PI4KA: variants seen among roughly 807,000 people sequenced by gnomAD.
The protein encoded by PI4KA is phosphatidylinositol 4-kinase alpha.
In PI4KA, 122 loss-of-function variants were observed where a neutral mutation model predicts 271.4. That is an observed-to-expected ratio of 0.45 (90% CI 0.39 to 0.52). The LOEUF (loss-of-function observed/expected upper bound fraction) is 0.52, where lower values mean the gene tolerates loss of function less well. Ranked by LOEUF, PI4KA falls within the 20% of genes least tolerant of loss-of-function variation. The pLI is 0.00. For missense variants in PI4KA, 1,969 were observed against 2,769.1 expected, an observed-to-expected ratio of 0.71 and a Z score of 6.48; for synonymous variants, 1,041 against 1,078.8, an observed-to-expected ratio of 0.96 and a Z score of 0.69.
rs56937672 is a variant in PI4KA at position 20,804,415 on chromosome 22, A to G, written c.1361-15T>C. 2.2e-4 allele frequency: 351 copies of G among 1,574,830 alleles called. 2 individuals carry two copies. Among genetic ancestry groups the G allele is most frequent in the African/African-American group, 1.4e-3 (101 of 74,348 alleles). On this transcript the variant is annotated splice_polypyrimidine_tract_variant and intron_variant, in intron 11 of 54. Transcript: ENST00000255882. ...GTTTTCTGCACCTTAATTCAAAACC[A>G]GAAGAGGAGATGAGTGATCAGCACA...
intron 1 of PI4KA, among the ~76,000 whole-genome samples, chr22:20,847,147 CAAAA>C (rs752062607): frequency 9.3e-5 from 7 of 74,918 alleles, no homozygotes; most frequent in African/African-American, 3.5e-4. Flanking sequence ...GACTCCATCT[CAAAA>C]AAAAAAAAAA....
rs139434064 is a variant in PI4KA, at chr22:20,780,061, T to C, written c.2328+13132A>G. On this transcript the variant is annotated intron_variant, in intron 19 of 54. Coordinates refer to ENST00000255882, the MANE Select transcript of PI4KA (RefSeq NM_058004.4). ...GAGTATTACTTTGCTGAGGCCCAGA[T>C]AGCTGACTTCTCAGACCCTGCCTTC... The C allele has an allele frequency of 1.4e-4, 232 of 1,614,174 alleles. 2 individuals are homozygous for C. The highest frequency in any genetic ancestry group is 6.6e-4 in the Middle Eastern group (4 of 6,062).
At chr22:20,802,129 A>G in intron 13 of PI4KA, 24 bp from the exon 14 acceptor site, 1 of 1,608,184 alleles carries the variant, frequency 6.2e-7, no homozygotes, top group South Asian at 1.1e-5. Flanking sequence ...ATTCAAATAT[A>G]TACCTAGTTA....
At chr22:20,793,352 A>C (rs1934771967) in intron 18 of PI4KA, 109 bp from the exon 19 acceptor site, 1 of 660,952 alleles carries the variant, frequency 1.5e-6, no homozygotes, top group African/African-American at 1.8e-5. Flanking sequence ...GTCTTAATCT[A>C]AGAGAAATGA....
At chr22:20,807,248 G>C in intron 10 of PI4KA, 114 bp downstream of exon 10, 1 of 674,286 alleles carries the variant, frequency 1.5e-6, no homozygotes, top group Non-Finnish European at 2.6e-6. Context: ...GCTCATATGT[G>C]TTTTTCAGTG....
At chr22:20,726,864 C>A (rs1927411579) in intron 41 of PI4KA, among the ~76,000 whole-genome samples, 1 of 152,100 alleles carries the variant, frequency 6.6e-6, no homozygotes, top group Non-Finnish European at 1.5e-5. Flanking sequence ...ATCTCGTGGG[C>A]TCCCTGGGCT....
chr22:20,827,861 C>T (rs1469678721), intron 3 of PI4KA, among the ~76,000 whole-genome samples: 1 of 152,140 alleles, frequency 6.6e-6, no homozygotes, highest in Non-Finnish European at 1.5e-5. Context: ...GTGGCACAAT[C>T]GCGGCTCACT....
intron 42 of PI4KA, 96 bp downstream of exon 42, chr22:20,726,392 C>A: frequency 9.7e-6 from 11 of 1,129,824 alleles, no homozygotes; most frequent in Non-Finnish European, 1.3e-5. Flanking sequence ...TGAGGAGGCT[C>A]TGAGGAGCCT....
At position 20,714,645 on chromosome 22, in the gene PI4KA, A is replaced by T. The variant is rs748755652; in HGVS notation, c.5373T>A (p.Ser1791=). The T allele has an allele frequency of 7.4e-6, 12 of 1,614,018 alleles. No individual in the cohort carries two copies. The highest frequency in any genetic ancestry group is 1.0e-5 in the Non-Finnish European group (12 of 1,179,874). Residue 1791 remains serine, a synonymous_variant, in exon 46 of 55, where the codon TCT becomes TCA. Transcript: ENST00000255882. The part of the protein sequence containing the change: ...EAIVLDIDYK[S]GTPMQSAAKA... ...GCGCCCACCTCTGCATCGGGGTCCC[A>T]GACTTGTAGTCGATGTCCAGCACAA...
At chr22:20,780,199 AAGGTAAG>A in intron 19 of PI4KA, 1 of 1,614,220 alleles carries the variant, frequency 6.2e-7, no homozygotes, top group Non-Finnish European at 8.5e-7. Flanking sequence ...ATCTACTTCA[AAGGTAAG>A]AGGCACCTTT....
chr22:20,743,015 T>G, intron 30 of PI4KA: 1 of 520,836 alleles, frequency 1.9e-6, no homozygotes, highest in Admixed American at 3.3e-5. Context: ...TCCCCAAGGG[T>G]GGGAACCTTG....
chr22:20,778,127 C>T (rs1310859743), intron 19 of PI4KA, among the ~76,000 whole-genome samples: 2 of 152,142 alleles, frequency 1.3e-5, no homozygotes, highest in African/African-American at 4.8e-5. Flanking sequence ...AGTGATATCA[C>T]CTCTGGGGCT....
intron 18 of PI4KA, 100 bp from the exon 19 acceptor site, chr22:20,793,343 T>C (rs1477365990): frequency 4.3e-6 from 3 of 696,652 alleles, no homozygotes; most frequent in Non-Finnish European, 7.6e-6. Flanking sequence ...ACCTGGAATG[T>C]CTTAATCTAA....
At chr22:20,827,346 A>G (rs1156547925) in intron 3 of PI4KA, among the ~76,000 whole-genome samples, 1 of 152,158 alleles carries the variant, frequency 6.6e-6, no homozygotes, top group Admixed American at 6.5e-5. Context: ...GACTCTGTTG[A>G]AGATCAGATG....
chr22:20,742,113 G>T, intron 32 of PI4KA, 115 bp downstream of exon 32: 1 of 1,032,448 alleles, frequency 9.7e-7, no homozygotes, highest in Non-Finnish European at 1.4e-6. Context: ...TGAGGCTTGA[G>T]AAGGTGAGGG....
chr22:20,730,092 A>C lies in PI4KA; in HGVS notation c.4289-81T>G, dbSNP rs537264037. On this transcript the variant is annotated intron_variant, in intron 36 of 54. Coordinates refer to ENST00000255882, the MANE Select transcript of PI4KA (RefSeq NM_058004.4). ...CAAAAAATAAACTACTATTCACCAG[A>C]GATAAAGCAATTAGTGGCAGAGCAG... The C allele has an allele frequency of 4.6e-5, 70 of 1,513,706 alleles. 1 individual carries two copies. In the South Asian group the frequency reaches 7.6e-4, roughly 16 times the overall value. 93.8% of individuals were successfully genotyped at this position (1,513,706 alleles called of 1,614,324 possible). A position where few individuals can be genotyped will look rare whatever the true frequency, so the allele number is the denominator to read the frequency against.
intron 1 of PI4KA, among the ~76,000 whole-genome samples, chr22:20,848,818 A>C (rs1299061145): frequency 6.6e-6 from 1 of 152,094 alleles, no homozygotes; most frequent in South Asian, 2.1e-4. Context: ...AAGGGACAAA[A>C]GAAAAAAAAA....
At chr22:20,786,380 G>T (rs1420125305) in intron 19 of PI4KA, among the ~76,000 whole-genome samples, 1 of 152,196 alleles carries the variant, frequency 6.6e-6, no homozygotes, top group Non-Finnish European at 1.5e-5. Context: ...GAGCAGCCAT[G>T]GGGTGAGCCC....
At chr22:20,848,796 C>T (rs747846428) in intron 1 of PI4KA, among the ~76,000 whole-genome samples, 4 of 150,362 alleles carry the variant, frequency 2.7e-5, no homozygotes, top group Non-Finnish European at 4.4e-5. Context: ...TTAGATACAA[C>T]ACAAAAAGCA....
Sources: gnomAD v4.1 joint callset for allele counts (sites outside exome capture counted in the v4.1 genomes callset) on GRCh38, gnomAD v4.1.1 for gene constraint, MANE v1.5 for transcripts, NCBI Gene and HGNC (gene_info 2026-07-23, HGNC 2026-07-21) for gene names.